The following EPHA6 variants were observed in gnomAD, a reference collection of about 807,000 sequenced individuals.
EPHA6 encodes the protein ephrin type-A receptor 6.
A neutral mutation model predicts 112.0 loss-of-function variants in EPHA6; 50 were observed. The observed-to-expected ratio is 0.45, with a 90% confidence interval of 0.36 to 0.56. The LOEUF (loss-of-function observed/expected upper bound fraction) is 0.56. EPHA6 is among the 20% of genes least tolerant of loss of function. The probability of loss-of-function intolerance (pLI) is 0.00; values close to 1 mark genes in which losing one functional copy is unlikely to be tolerated. For missense variants in EPHA6, 1,280 were observed against 1,417.4 expected (o/e 0.90, Z 1.56); for synonymous variants, 529 against 490.7 (o/e 1.08, Z -1.03).
intron 11 of EPHA6, among the ~76,000 whole-genome samples, chr3:97,544,991 T>A (rs2092924207): frequency 6.6e-6 from 1 of 152,212 alleles, no homozygotes; most frequent in Admixed American, 6.5e-5. Context: ...TCTATCAATT[T>A]TGTTGATCCT....
chr3:97,330,214 A>G (rs2082714620), intron 5 of EPHA6, among the ~76,000 whole-genome samples: 1 of 152,126 alleles, frequency 6.6e-6, no homozygotes, highest in South Asian at 2.1e-4. Context: ...TGTTTTGGTT[A>G]CTGTAGCCTT....
chr3:97,566,371 A>C (rs886441477), intron 11 of EPHA6, among the ~76,000 whole-genome samples: 1 of 152,188 alleles, frequency 6.6e-6, no homozygotes, highest in Non-Finnish European at 1.5e-5. Flanking sequence ...GGGAACAAAT[A>C]TCCAAACTAT....
At chr3:96,870,814 AG>A (rs2036585774) in intron 2 of EPHA6, among the ~76,000 whole-genome samples, 1 of 152,074 alleles carries the variant, frequency 6.6e-6, no homozygotes, top group Admixed American at 6.6e-5. Flanking sequence ...TGAAAATCAA[AG>A]GTTGGATGTA....
chr3:96,923,310 A>C (rs2039869901), intron 2 of EPHA6, among the ~76,000 whole-genome samples: 1 of 152,096 alleles, frequency 6.6e-6, no homozygotes, highest in Non-Finnish European at 1.5e-5. Context: ...GCTATTTTTA[A>C]ATTTTTTAAA....
At chr3:97,212,074 A>G (rs570702702) in intron 3 of EPHA6, among the ~76,000 whole-genome samples, 1 of 152,294 alleles carries the variant, frequency 6.6e-6, no homozygotes, top group East Asian at 1.9e-4. Context: ...AGTCTGACTT[A>G]AAGAGTATGC....
intron 10 of EPHA6, among the ~76,000 whole-genome samples, chr3:97,501,088 C>T (rs994022395): frequency 1.3e-5 from 2 of 152,076 alleles, no homozygotes; most frequent in Non-Finnish European, 2.9e-5. Flanking sequence ...TATATAAGAA[C>T]ATATTCAAAA....
intron 11 of EPHA6, among the ~76,000 whole-genome samples, chr3:97,546,120 G>C (rs1337524248): frequency 6.6e-6 from 1 of 152,126 alleles, no homozygotes; most frequent in Non-Finnish European, 1.5e-5. Context: ...ATGTTAGCTG[G>C]TTATTTTGCT....
chr3:97,164,703 A>G (rs1048138465), intron 3 of EPHA6, among the ~76,000 whole-genome samples: 3 of 151,958 alleles, frequency 2.0e-5, no homozygotes, highest in Non-Finnish European at 4.4e-5. Flanking sequence ...TGGGCAAATG[A>G]TATTTTGGGA....
intron 5 of EPHA6, among the ~76,000 whole-genome samples, chr3:97,390,485 T>C (rs1477247128): frequency 6.6e-6 from 1 of 151,494 alleles, no homozygotes; most frequent in African/African-American, 2.4e-5. Context: ...TGTGTGTATA[T>C]ATAAATTATA....
At chr3:97,243,797 G>A (rs768757465) in intron 4 of EPHA6, among the ~76,000 whole-genome samples, 155 bp from the exon 5 acceptor site, 8 of 151,784 alleles carry the variant, frequency 5.3e-5, no homozygotes, top group African/African-American at 1.2e-4. Context: ...GACCTAATGA[G>A]CTATTTTAAC....
At chr3:97,545,123 CT>C (rs1297048405) in intron 11 of EPHA6, among the ~76,000 whole-genome samples, 2 of 152,026 alleles carry the variant, frequency 1.3e-5, no homozygotes, top group African/African-American at 2.4e-5. Context: ...AATTTGTTTG[CT>C]CTTGCTTTTC....
chr3:97,741,337 A>C (rs1287577380), intron 16 of EPHA6, among the ~76,000 whole-genome samples: 1 of 152,108 alleles, frequency 6.6e-6, no homozygotes, highest in Non-Finnish European at 1.5e-5. Flanking sequence ...TGGGCAACAG[A>C]GTGAGACTCC....
chr3:97,713,273 T>G (rs937633910), intron 14 of EPHA6, among the ~76,000 whole-genome samples: 4 of 152,102 alleles, frequency 2.6e-5, no homozygotes, highest in Non-Finnish European at 5.9e-5. Context: ...AAGCCTAAAT[T>G]CAGACCTTTT....
intron 1 of EPHA6, among the ~76,000 whole-genome samples, chr3:96,856,230 C>A (rs1022760458): frequency 6.6e-6 from 1 of 151,352 alleles, no homozygotes; most frequent in Admixed American, 6.6e-5. Flanking sequence ...ACAGAGGAGA[C>A]CCTGTCTCAT....
chr3:97,699,144 G>C (rs113827652), intron 14 of EPHA6, among the ~76,000 whole-genome samples: 17 of 152,174 alleles, frequency 1.1e-4, no homozygotes, highest in African/African-American at 4.1e-4. Context: ...ACATACTTCT[G>C]GTTGTTCCAT....
At chr3:97,728,417 A>C (rs2034880517) in intron 15 of EPHA6, among the ~76,000 whole-genome samples, 2 of 152,084 alleles carry the variant, frequency 1.3e-5, no homozygotes, top group Non-Finnish European at 2.9e-5. Flanking sequence ...CATAGTAAGA[A>C]ATACCATGGT....
intron 5 of EPHA6, among the ~76,000 whole-genome samples, chr3:97,253,437 G>T (rs1301177304): frequency 6.6e-6 from 1 of 152,034 alleles, no homozygotes; most frequent in Non-Finnish European, 1.5e-5. Context: ...TTCAGTTATC[G>T]ATACTTTTAT....
intron 3 of EPHA6, among the ~76,000 whole-genome samples, chr3:97,020,790 C>T (rs1243050978): frequency 6.6e-6 from 1 of 151,976 alleles, no homozygotes; most frequent in African/African-American, 2.4e-5. Context: ...ATATAATTTG[C>T]ATATATTCCC....
At chr3:96,945,648 A>G (rs1339564156) in intron 2 of EPHA6, among the ~76,000 whole-genome samples, 1 of 152,204 alleles carries the variant, frequency 6.6e-6, no homozygotes, top group Non-Finnish European at 1.5e-5. Context: ...GATAATTTTA[A>G]AGCATTTAGT....
Sources: gnomAD v4.1 joint callset for allele counts (sites outside exome capture counted in the v4.1 genomes callset) on GRCh38, gnomAD v4.1.1 for gene constraint, MANE v1.5 for transcripts, NCBI Gene and HGNC (gene_info 2026-07-23, HGNC 2026-07-21) for gene names.